The following SNTG1 variants were observed in gnomAD, a reference collection of about 807,000 sequenced individuals.
SNTG1 encodes the protein syntrophin gamma 1, also known as gamma-1-syntrophin.
SNTG1 carries 39 observed loss-of-function variants against 74.7 expected under a neutral mutation model. The observed-to-expected ratio is 0.52, with a 90% confidence interval of 0.40 to 0.68. The LOEUF is 0.68. Among genes scored for constraint, SNTG1 ranks in the 30% least tolerant of loss-of-function variants. The pLI is 0.00. For missense variants in SNTG1, 685 were observed against 609.5 expected, an observed-to-expected ratio of 1.12 and a Z score of -1.30; for synonymous variants, 254 against 217.1, an observed-to-expected ratio of 1.17 and a Z score of -1.49.
At position 50,438,702 on chromosome 8, in the gene SNTG1, T is replaced by C. The variant is rs899915032; in HGVS notation, c.219+103T>C. ...ATTAATAATTAGACAAGGATGGCTATAGCAAACTCCTTAATATTTGGACGG... is the reference window on the plus strand; with the variant it reads ...ATTAATAATTAGACAAGGATGGCTACAGCAAACTCCTTAATATTTGGACGG... On this transcript the variant is annotated intron_variant, in intron 5 of 18. Coordinates refer to ENST00000642720, the MANE Select transcript of SNTG1 (RefSeq NM_018967.5). The C allele has an allele frequency of 1.7e-5, 16 of 918,384 alleles. No homozygotes were observed. In the African/African-American group the frequency reaches 2.5e-4, roughly 14 times the overall value. 56.9% of individuals were successfully genotyped at this position (918,384 alleles called of 1,614,324 possible). A position where few individuals can be genotyped will look rare whatever the true frequency, so the allele number is the denominator to read the frequency against.
intron 12 of SNTG1, among the ~76,000 whole-genome samples, chr8:50,582,451 T>C (rs1278235682): frequency 6.6e-6 from 1 of 152,092 alleles, no homozygotes; most frequent in East Asian, 1.9e-4. Flanking sequence ...TAAGTATCTC[T>C]ATACTGATAA....
intron 1 of SNTG1, among the ~76,000 whole-genome samples, chr8:50,140,643 G>C (rs932374578): frequency 2.6e-5 from 4 of 152,044 alleles, no homozygotes; most frequent in African/African-American, 9.7e-5. Context: ...TTTTGAGTGT[G>C]TGTGCACATA....
At chr8:50,567,352 C>T (rs2094521774) in intron 12 of SNTG1, among the ~76,000 whole-genome samples, 1 of 152,054 alleles carries the variant, frequency 6.6e-6, no homozygotes, top group Non-Finnish European at 1.5e-5. Flanking sequence ...TTTTACATGA[C>T]ATTTCTATTA....
intron 1 of SNTG1, among the ~76,000 whole-genome samples, chr8:50,006,151 C>T (rs994188162): frequency 3.3e-4 from 50 of 151,608 alleles, no homozygotes; most frequent in African/African-American, 1.2e-3. Flanking sequence ...TCAGTAATGA[C>T]GGGGTTTCAT....
chr8:50,244,974 T>A (rs2086327539), intron 2 of SNTG1, among the ~76,000 whole-genome samples: 1 of 152,222 alleles, frequency 6.6e-6, no homozygotes, highest in African/African-American at 2.4e-5. Context: ...TTCATGTTAA[T>A]ATAAGTAAAT....
At chr8:50,042,194 C>T (rs35093761) in intron 1 of SNTG1, among the ~76,000 whole-genome samples, 25,923 of 152,074 alleles carry the variant, frequency 0.17, 2,501 homozygotes, top group Middle Eastern at 0.27. Context: ...CAATAAGCAA[C>T]AATTAAATAT....
chr8:50,580,377 G>T (rs961876467), intron 12 of SNTG1, among the ~76,000 whole-genome samples: 1 of 152,160 alleles, frequency 6.6e-6, no homozygotes, highest in Non-Finnish European at 1.5e-5. Context: ...AGTTAATGCT[G>T]GAATGAGTTA....
intron 2 of SNTG1, among the ~76,000 whole-genome samples, chr8:50,223,977 T>A (rs1345667179): frequency 6.6e-6 from 1 of 151,890 alleles, no homozygotes; most frequent in Non-Finnish European, 1.5e-5. Flanking sequence ...ATAGATTTAA[T>A]AAAAAAATAG....
At chr8:50,061,596 G>T (rs62515382) in intron 1 of SNTG1, among the ~76,000 whole-genome samples, 25,841 of 151,868 alleles carry the variant, frequency 0.17, 2,491 homozygotes, top group Middle Eastern at 0.28. Context: ...ATTGATTTGA[G>T]ATTGTTCTGT....
chr8:50,125,826 A>G (rs766138335), intron 1 of SNTG1, among the ~76,000 whole-genome samples: 4 of 152,298 alleles, frequency 2.6e-5, no homozygotes, highest in Admixed American at 6.5e-5. Context: ...TGCTGATCGT[A>G]TGGCATGCTA....
intron 1 of SNTG1, among the ~76,000 whole-genome samples, chr8:49,938,602 CT>C (rs371390753): frequency 3.3e-3 from 27 of 8,106 alleles, no homozygotes; most frequent in African/African-American, 6.2e-3. Context: ...CTTTTCTTTT[CT>C]TTTCTTTCTT....
intron 2 of SNTG1, among the ~76,000 whole-genome samples, chr8:50,302,651 G>T (rs1210738368): frequency 6.6e-6 from 1 of 152,034 alleles, no homozygotes; most frequent in East Asian, 1.9e-4. Flanking sequence ...TACATATCTT[G>T]GGTGTGAACT....
chr8:50,023,122 C>T (rs1816967253), intron 1 of SNTG1, among the ~76,000 whole-genome samples: 1 of 152,120 alleles, frequency 6.6e-6, no homozygotes, highest in African/African-American at 2.4e-5. Flanking sequence ...AAGTGGAAGT[C>T]CTTTCAGGCT....
intron 1 of SNTG1, among the ~76,000 whole-genome samples, chr8:50,113,973 T>C (rs1377498716): frequency 6.6e-6 from 1 of 151,872 alleles, no homozygotes; most frequent in Non-Finnish European, 1.5e-5. Context: ...TGTCTCAACT[T>C]CACATAAATT....
At position 49,938,597 on chromosome 8, in the gene SNTG1, C is replaced by CTTT. The variant is rs755805948; in HGVS notation, c.-103+26368_-103+26370dup. Among the ~76,000 whole-genome samples the CTTT allele has an allele frequency of 1.6e-3, 52 of 32,508 alleles. 3 individuals are homozygous for CTTT. The highest frequency in any genetic ancestry group is 4.7e-3 in the African/African-American group (39 of 8,342). The allele number at this position is 32,508 out of a possible 152,430, so 21.3% of individuals were successfully genotyped here. On this transcript the variant is annotated intron_variant, in intron 1 of 18. Transcript: ENST00000642720. ...CTTTTCTTTTCTTTTCTTTTCTTTTCTTTTCTTTTCTTTCTTTCTTTCTTT... is the reference window on the plus strand; with the variant it reads ...CTTTTCTTTTCTTTTCTTTTCTTTTCTTTTTTTCTTTTCTTTCTTTCTTTCTTT...
intron 1 of SNTG1, among the ~76,000 whole-genome samples, chr8:50,016,784 A>C (rs1816359480): frequency 6.6e-6 from 1 of 152,174 alleles, no homozygotes; most frequent in African/African-American, 2.4e-5. Context: ...ATGTCCATTA[A>C]AATGATGTAT....
intron 17 of SNTG1, among the ~76,000 whole-genome samples, chr8:50,723,279 T>A (rs1045613193): frequency 6.6e-6 from 1 of 152,170 alleles, no homozygotes; most frequent in African/African-American, 2.4e-5. Flanking sequence ...TGCTATTAGT[T>A]TTGTTCATTT....
chr8:50,026,723 T>C (rs1817294530), intron 1 of SNTG1, among the ~76,000 whole-genome samples: 2 of 152,056 alleles, frequency 1.3e-5, no homozygotes, highest in South Asian at 2.1e-4. Context: ...GTGTGTATCC[T>C]AAAAATTATC....
intron 2 of SNTG1, chr8:50,381,867 TTAAG>T (rs1356829973): frequency 7.1e-6 from 1 of 141,462 alleles, no homozygotes; most frequent in Non-Finnish European, 1.5e-5. Flanking sequence ...GGGGAGTTTA[TTAAG>T]TATTAACTCA....
Sources: allele counts gnomAD v4.1 joint callset (sites outside exome capture counted in the v4.1 genomes callset), GRCh38; gene constraint gnomAD v4.1.1; transcripts MANE v1.5; gene names NCBI Gene and HGNC (gene_info 2026-07-23, HGNC 2026-07-21).